Variants in SLC35E4 observed in about 807,000 individuals in gnomAD.
The protein encoded by SLC35E4 is solute carrier family 35 member E4, also known as solute carrier family 35, member E4.
Under a neutral mutation model 19.3 loss-of-function variants are expected in SLC35E4, and 15 were observed. That is an observed-to-expected ratio of 0.78 (90% CI 0.52 to 1.20). SLC35E4 has a LOEUF of 1.20. Among genes scored for constraint, SLC35E4 ranks in the 50% most tolerant of loss-of-function variants. The probability of loss-of-function intolerance (pLI) is 0.00; values close to 1 mark genes in which losing one functional copy is unlikely to be tolerated. For synonymous variants in SLC35E4, 219 were observed against 219.9 expected (o/e 1.00, Z 0.04); for missense variants, 406 against 472.3 (o/e 0.86, Z 1.30).
rs563761268 is a variant in SLC35E4 at position 30,659,459 on chromosome 22, C to T, written c.*9-2601C>T. On this transcript the variant is annotated intron_variant, in intron 2 of 2. Transcript: ENST00000406566. ...CATGATCTTGGCTCACTGCAACCTC[C>T]GCCTCCTGGGTTCAAGCGATTCTTC... Among the ~76,000 whole-genome samples the T allele has an allele frequency of 4.0e-3, 616 of 152,144 alleles. 1 individual carries two copies. Among genetic ancestry groups the T allele is most frequent in the Middle Eastern group, 0.02 (6 of 294 alleles).
At chr22:30,657,690 G>A (rs916356902) in intron 2 of SLC35E4, among the ~76,000 whole-genome samples, 1 of 151,478 alleles carries the variant, frequency 6.6e-6, no homozygotes, top group African/African-American at 2.4e-5. Flanking sequence ...GGATCACGAG[G>A]TCAGGAGATC....
downstream of SLC35E4, chr22:30,666,685 C>G (rs904646928): frequency 7.1e-6 from 1 of 140,040 alleles, no homozygotes; most frequent in Non-Finnish European, 1.5e-5. Flanking sequence ...GTTGGAGATA[C>G]TGAAATGTAC....
downstream of SLC35E4, among the ~76,000 whole-genome samples, chr22:30,666,464 A>G (rs938224825): frequency 6.6e-6 from 1 of 152,082 alleles, no homozygotes; most frequent in Non-Finnish European, 1.5e-5. Context: ...TCTACTAAAA[A>G]TACAAAAATT....
chr22:30,651,417 ATATATATATATTTTTTTTTTTTTTTTT>A (rs2088214236), downstream of SLC35E4, among the ~76,000 whole-genome samples: 2 of 66,542 alleles, frequency 3.0e-5, no homozygotes, highest in African/African-American at 7.7e-5. Context: ...ATATATATAT[ATATATATATATTTTTTTTTTTTTTTTT>A]TTTTTTTTTT....
Position 30,647,319 on chromosome 22 carries a change from G to C in SLC35E4, c.*288G>C. ...AGGCTAAGGTGGGAGGATCACTTGA[G>C]CCCTGGAGATCGAGGCTGCAGTAAG... On this transcript the variant is annotated 3_prime_UTR_variant, in exon 2 of 2. Coordinates refer to ENST00000343605, the MANE Select transcript of SLC35E4 (RefSeq NM_001001479.4). 5.1e-6 allele frequency: 2 copies of C among 393,804 alleles called. No individual in the cohort carries two copies. The highest frequency in any genetic ancestry group is 4.6e-6 in the Non-Finnish European group (1 of 218,048). The allele number at this position is 393,804 out of a possible 1,614,324, so 24.4% of individuals were successfully genotyped here.
chr22:30,638,376 T>A (rs1181789469), intron 1 of SLC35E4, among the ~76,000 whole-genome samples: 2 of 151,072 alleles, frequency 1.3e-5, no homozygotes, highest in Non-Finnish European at 3.0e-5. Context: ...ATGGCAGGTG[T>A]CTGTAATCCC....
rs1186018620 is a variant in SLC35E4, at chr22:30,646,687, C to T, written c.709C>T (p.Leu237=). The T allele has an allele frequency of 1.9e-6, 3 of 1,612,478 alleles. No individual in the cohort carries two copies. In the East Asian group the frequency reaches 6.7e-5, roughly 36 times the overall value. The change falls in exon 2 of 2, where the codon CTG becomes TTG. Residue 237 remains leucine (L), a synonymous_variant. Transcript: ENST00000343605. The stretch of plus-strand genomic sequence containing the variant: ...CTTCTGCCTGCTGGCGGGTGCAGCC[C>T]TGGTGCTGGAGGCTGGCGTTGCCCC... ...PSFCLLAGAA[L]VLEAGVAPPP...
chr22:30,639,201 C>T (rs180934703), intron 1 of SLC35E4, among the ~76,000 whole-genome samples: 53 of 152,122 alleles, frequency 3.5e-4, no homozygotes, highest in Non-Finnish European at 6.2e-4. Flanking sequence ...CATCATATGT[C>T]GGCAGGTTCC....
At chr22:30,655,429 CAAAAAAAA>C (rs5844917) in intron 2 of SLC35E4, among the ~76,000 whole-genome samples, 91 of 111,650 alleles carry the variant, frequency 8.2e-4, no homozygotes, top group South Asian at 4.5e-3. Flanking sequence ...GAGATCCTAC[CAAAAAAAA>C]AAAAAAAAAA....
chr22:30,642,922 C>T (rs987899521), intron 1 of SLC35E4, among the ~76,000 whole-genome samples: 4 of 150,798 alleles, frequency 2.7e-5, no homozygotes, highest in African/African-American at 7.4e-5. Context: ...CCCAGCTAGT[C>T]GGGAGGCTGA....
At chr22:30,651,036 C>A (rs1236739363), downstream of SLC35E4, among the ~76,000 whole-genome samples, 1 of 151,350 alleles carries the variant, frequency 6.6e-6, no homozygotes, top group African/African-American at 2.4e-5. Context: ...GGCCTGGCCC[C>A]CTGGAAGGAG....
In SLC35E4 at chr22:30,636,687, C is replaced by T. The variant is rs1325453577; in HGVS notation, c.237C>T (p.Pro79=). The change falls in exon 1 of 2, where the codon CCC becomes CCT. Residue 79 remains proline (P), a synonymous_variant. Transcript: ENST00000343605. ...WIFTVHGFGR[P]LLLSALHMLV... ...TCACAGTGCACGGCTTTGGGCGGCC[C>T]CTGCTGCTGTCGGCCCTGCACATGC... 1.9e-6 allele frequency: 3 copies of T among 1,611,840 alleles called. No homozygotes were observed.
chr22:30,658,126 TA>T (rs886421711), intron 2 of SLC35E4, among the ~76,000 whole-genome samples: 2 of 150,788 alleles, frequency 1.3e-5, no homozygotes, highest in Middle Eastern at 3.5e-3. Flanking sequence ...TTTTTTTAGT[TA>T]AAAAAAACTG....
chr22:30,663,430 G>A (rs1450102425), downstream of SLC35E4: 2 of 1,601,046 alleles, frequency 1.2e-6, no homozygotes, highest in South Asian at 2.2e-5. Flanking sequence ...GGGGCTCGTG[G>A]GATGGCTCAC....
downstream of SLC35E4, among the ~76,000 whole-genome samples, chr22:30,651,070 C>T (rs2145586349): frequency 6.6e-6 from 1 of 151,864 alleles, no homozygotes; most frequent in Admixed American, 6.6e-5. Context: ...CTACTCTGCC[C>T]TCAAATTAGC....
chr22:30,653,226 G>T (rs751273287), intron 2 of SLC35E4, among the ~76,000 whole-genome samples: 9 of 152,136 alleles, frequency 5.9e-5, no homozygotes, highest in Non-Finnish European at 8.8e-5. Context: ...TGGATGTTCT[G>T]ACGTTTCCAA....
intron 1 of SLC35E4, among the ~76,000 whole-genome samples, chr22:30,641,384 C>T (rs557826527): frequency 6.6e-6 from 1 of 152,298 alleles, no homozygotes; most frequent in Non-Finnish European, 1.5e-5. Flanking sequence ...CCTGCGGTAT[C>T]CTCTGCTCCC....
chr22:30,648,481 G>C (rs1361261054), downstream of SLC35E4, among the ~76,000 whole-genome samples: 2 of 152,190 alleles, frequency 1.3e-5, no homozygotes, highest in East Asian at 3.9e-4. Flanking sequence ...GCCGGGCGCG[G>C]TGGCTCACAC....
rs564549047 is a variant in SLC35E4 at position 30,656,294 on chromosome 22, T to A, written c.*9-5766T>A. ...ACTTGGACTCTAAGGGCATTTGGATTTAACATCCCAGGATAGGAAAGCAGG... is the reference window on the plus strand; with the variant it reads ...ACTTGGACTCTAAGGGCATTTGGATATAACATCCCAGGATAGGAAAGCAGG... On this transcript the variant is annotated intron_variant, in intron 2 of 2. Coordinates refer to the SLC35E4 transcript ENST00000406566. Among the ~76,000 whole-genome samples the A allele has an allele frequency of 1.7e-4, 26 of 152,170 alleles. 1 individual carries two copies. The South Asian group carries it at 5.4e-3, about 32-fold the overall frequency.
Sources: gnomAD v4.1 joint callset for allele counts (sites outside exome capture counted in the v4.1 genomes callset) on GRCh38, gnomAD v4.1.1 for gene constraint, MANE v1.5 for transcripts, NCBI Gene and HGNC (gene_info 2026-07-23, HGNC 2026-07-21) for gene names.